Variants in LRRC4C observed in about 807,000 individuals in gnomAD.
LRRC4C encodes leucine rich repeat containing 4C.
Under a neutral mutation model 33.6 loss-of-function variants are expected in LRRC4C, and 5 were observed. The observed-to-expected ratio is 0.15, with a 90% CI of 0.08 to 0.31. The LOEUF (loss-of-function observed/expected upper bound fraction) is 0.31, where lower values mean the gene tolerates loss of function less well. Ranked by LOEUF, LRRC4C falls within the 10% of genes least tolerant of loss-of-function variation. LRRC4C has a pLI of 1.00. For synonymous variants in LRRC4C, 329 were observed against 302.0 expected (o/e 1.09, Z -0.93); for missense variants, 560 against 796.7 (o/e 0.70, Z 3.58).
rs184805553 is a variant in LRRC4C at position 40,520,469 on chromosome 11, C to G, written c.-270+127673G>C. On this transcript the variant is annotated intron_variant, in intron 3 of 6. Transcript: ENST00000528697. ...TAATTAGCCTAATTTAAATATTATTCTATTTCAGAAAATAGTGGGGCCTGA... is the reference window on the plus strand; with the variant it reads ...TAATTAGCCTAATTTAAATATTATTGTATTTCAGAAAATAGTGGGGCCTGA... Among the ~76,000 whole-genome samples, 1,103 of 152,146 alleles carry G rather than the reference C, an allele frequency of 7.2e-3. 9 individuals carry two copies. The highest frequency in any genetic ancestry group is 0.012 in the Non-Finnish European group (783 of 67,990).
chr11:40,169,127 A>T (rs1044440135), intron 5 of LRRC4C, among the ~76,000 whole-genome samples: 2 of 152,262 alleles, frequency 1.3e-5, no homozygotes, highest in Non-Finnish European at 2.9e-5. Context: ...ATAAACATAC[A>T]TGCATGTATA....
intron 1 of LRRC4C, among the ~76,000 whole-genome samples, chr11:41,096,156 T>C (rs1000856297): frequency 6.6e-6 from 1 of 152,142 alleles, no homozygotes; most frequent in African/African-American, 2.4e-5. Flanking sequence ...TTATAATATA[T>C]ATAGGGGCAC....
intron 1 of LRRC4C, among the ~76,000 whole-genome samples, chr11:40,992,936 CATT>C (rs1853687033): frequency 6.6e-6 from 1 of 152,070 alleles, no homozygotes; most frequent in South Asian, 2.1e-4. Flanking sequence ...ATAAGTGTGT[CATT>C]ATGTTTTCCT....
At chr11:40,121,398 T>A (rs995284892) in intron 6 of LRRC4C, among the ~76,000 whole-genome samples, 2 of 152,216 alleles carry the variant, frequency 1.3e-5, no homozygotes, top group Non-Finnish European at 2.9e-5. Flanking sequence ...ATGCACTGAA[T>A]TAAATCAACT....
chr11:40,115,756 T>C lies in LRRC4C; in HGVS notation c.537A>G (p.Leu179=), dbSNP rs142628592. 752 of 1,614,152 alleles carry C rather than the reference T, an allele frequency of 4.7e-4. 9 individuals carry two copies. The East Asian group carries it at 0.017, about 36-fold the overall frequency. ...TGTATGAAAGTCTTTTCAATTCCCC[T>C]AAGTCTAGTCGGCGCAAAGAAGGAA... ...NRIPSLRRLD[L]GELKRLSYIS... Residue 179 remains leucine, a synonymous_variant, in exon 7 of 7, where the codon TTA becomes TTG. Transcript: ENST00000528697. The surrounding 1 kb of genome is among the most constrained non-coding windows in gnomAD (Gnocchi z 6.7).
At chr11:40,321,493 C>A (rs957476809) in intron 3 of LRRC4C, among the ~76,000 whole-genome samples, 1 of 152,116 alleles carries the variant, frequency 6.6e-6, no homozygotes, top group Non-Finnish European at 1.5e-5. Context: ...TTATAATTCT[C>A]CTTTTATAGA....
chr11:40,312,467 T>C (rs1411973831), intron 4 of LRRC4C, among the ~76,000 whole-genome samples: 1 of 152,224 alleles, frequency 6.6e-6, no homozygotes, highest in Non-Finnish European at 1.5e-5. Context: ...TGGGAATTTA[T>C]TCACATCATT....
At chr11:41,073,184 G>T (rs956435062) in intron 1 of LRRC4C, among the ~76,000 whole-genome samples, 1 of 152,154 alleles carries the variant, frequency 6.6e-6, no homozygotes, top group African/African-American at 2.4e-5. Flanking sequence ...AGTTCATTTG[G>T]TTCAGAGTTA....
intron 2 of LRRC4C, among the ~76,000 whole-genome samples, chr11:40,678,167 A>G (rs1296397379): frequency 6.6e-6 from 1 of 151,524 alleles, no homozygotes; most frequent in African/African-American, 2.4e-5. Context: ...TAGAATTAGG[A>G]GGTATAAGTA....
intron 2 of LRRC4C, among the ~76,000 whole-genome samples, chr11:40,730,507 T>C (rs1025557757): frequency 6.6e-6 from 1 of 152,044 alleles, no homozygotes; most frequent in African/African-American, 2.4e-5. Flanking sequence ...CCAGCTTTCA[T>C]CATATCATAA....
intron 2 of LRRC4C, among the ~76,000 whole-genome samples, chr11:40,870,766 T>A (rs1205625952): frequency 3.3e-5 from 5 of 152,132 alleles, no homozygotes; most frequent in Non-Finnish European, 7.4e-5. Context: ...CTGCACAAAT[T>A]GTTTGTAGAG....
At chr11:40,485,555 T>C (rs1199985294) in intron 3 of LRRC4C, among the ~76,000 whole-genome samples, 1 of 151,946 alleles carries the variant, frequency 6.6e-6, no homozygotes, top group African/African-American at 2.4e-5. Context: ...CCACCAAAAA[T>C]GGCTAGTTAC....
intron 4 of LRRC4C, among the ~76,000 whole-genome samples, chr11:40,312,310 T>A (rs779425172): frequency 6.6e-6 from 1 of 152,184 alleles, no homozygotes; most frequent in Non-Finnish European, 1.5e-5. Context: ...ATTGCCTAGA[T>A]TTTAATCCCA....
chr11:40,499,841 G>T (rs1954655349), intron 3 of LRRC4C, among the ~76,000 whole-genome samples: 1 of 152,164 alleles, frequency 6.6e-6, no homozygotes, highest in African/African-American at 2.4e-5. Flanking sequence ...GGCCTCTGAT[G>T]CTTGTAAGAG....
intron 3 of LRRC4C, among the ~76,000 whole-genome samples, chr11:40,342,502 G>A (rs1243481585): frequency 2.0e-5 from 3 of 151,818 alleles, no homozygotes; most frequent in African/African-American, 7.3e-5. Context: ...AAAAGAAAAG[G>A]CTTATATCTC....
At chr11:40,558,953 C>T (rs1424632845) in intron 3 of LRRC4C, among the ~76,000 whole-genome samples, 1 of 152,046 alleles carries the variant, frequency 6.6e-6, no homozygotes, top group East Asian at 1.9e-4. Flanking sequence ...TGAGAACATG[C>T]AGTATTTGGT....
intron 1 of LRRC4C, among the ~76,000 whole-genome samples, chr11:41,422,149 C>T (rs528167940): frequency 3.9e-4 from 59 of 151,992 alleles, no homozygotes; most frequent in African/African-American, 1.3e-3. Context: ...AGGAAGAGGT[C>T]GTGATTAATT....
intron 1 of LRRC4C, among the ~76,000 whole-genome samples, chr11:41,243,029 C>G (rs1375572715): frequency 1.3e-5 from 2 of 152,124 alleles, no homozygotes. Context: ...CACATTCCGT[C>G]AAAAATTATG....
chr11:41,354,606 T>A (rs566556407), intron 1 of LRRC4C, among the ~76,000 whole-genome samples: 1 of 152,088 alleles, frequency 6.6e-6, no homozygotes, highest in African/African-American at 2.4e-5. Context: ...GCTGGAGGAA[T>A]CACACTACCC....
Sources: gnomAD v4.1 joint callset for allele counts (sites outside exome capture counted in the v4.1 genomes callset) on GRCh38, gnomAD v4.1.1 for gene constraint, Gnocchi (gnomAD v3.1) non-coding constraint, MANE v1.5 for transcripts, NCBI Gene and HGNC (gene_info 2026-07-23, HGNC 2026-07-21) for gene names.